The following KLF8 variants were observed in gnomAD, a reference collection of about 807,000 sequenced individuals.
KLF8 encodes Krueppel-like factor 8.
KLF8 carries 10 observed loss-of-function variants against 18.2 expected under a neutral mutation model. The ratio of observed to expected loss-of-function variants is 0.55; its 90% CI spans 0.34 to 0.93. The LOEUF is 0.93. Among genes scored for constraint, KLF8 ranks in the 40% least tolerant of loss-of-function variants. The probability of loss-of-function intolerance (pLI) is 0.02; values close to 1 mark genes in which losing one functional copy is unlikely to be tolerated. For synonymous variants in KLF8, 109 were observed against 97.3 expected (o/e 1.12, Z -0.71); for missense variants, 264 against 277.9 (o/e 0.95, Z 0.36).
At chrX:56,155,696 CATTAT>C in the KLF8 span, among the ~76,000 whole-genome samples, 1 of 111,101 alleles carries the variant, frequency 9.0e-6, no homozygotes, top group Admixed American at 9.6e-5. Flanking sequence ...ACAGGATGTA[CATTAT>C]AGATTTGTTA....
At chrX:55,970,749 G>T in the KLF8 span, among the ~76,000 whole-genome samples, 1 of 111,393 alleles carries the variant, frequency 9.0e-6, no homozygotes, top group African/African-American at 3.3e-5. Context: ...TCATCAGTAG[G>T]ACTTCTATAT....
the KLF8 span, among the ~76,000 whole-genome samples, chrX:56,168,615 A>G: frequency 1.4e-3 from 154 of 110,184 alleles, no homozygotes; most frequent in African/African-American, 4.8e-3. Context: ...CATCATTTAC[A>G]TTAGGTATAT....
At chrX:56,266,530 C>G (rs777863335) in intron 3 of KLF8, 2 of 746,501 alleles carry the variant, frequency 2.7e-6, no homozygotes, top group Non-Finnish European at 3.2e-6. Flanking sequence ...GAAAATTTGT[C>G]CAAGAGAGAA....
intron 5 of KLF8, among the ~76,000 whole-genome samples, chrX:56,273,645 T>C (rs905865945): frequency 1.9e-4 from 21 of 111,917 alleles, no homozygotes; most frequent in African/African-American, 6.8e-4. Flanking sequence ...TTATCCATAT[T>C]GTTGCAAATG....
the KLF8 span, among the ~76,000 whole-genome samples, chrX:56,059,419 C>G: frequency 2.7e-5 from 3 of 111,716 alleles, no homozygotes; most frequent in Non-Finnish European, 3.8e-5. Context: ...AGTCATGAAG[C>G]CTTTGCCCAT....
chrX:56,233,179 G>A lies in KLF8; in HGVS notation c.-156G>A. The A allele has an allele frequency of 1.6e-6, 1 of 610,585 alleles. No individual in the cohort carries two copies. Among genetic ancestry groups the A allele is most frequent in the Non-Finnish European group, 2.7e-6 (1 of 375,747 alleles). 50.3% of individuals were successfully genotyped at this position (610,585 alleles called of 1,213,427 possible). On this transcript the variant is annotated 5_prime_UTR_variant, in exon 1 of 6. Transcript: ENST00000468660. ...CCAGCCCGGAGAAATAGGGGAGTGG[G>A]GGCCCAAGAACGAGAAGACGAGAAC...
chrX:56,077,138 T>G, the KLF8 span, among the ~76,000 whole-genome samples: 2 of 112,240 alleles, frequency 1.8e-5, no homozygotes, highest in East Asian at 5.6e-4. Context: ...AGAAGCTATT[T>G]AATTTAATTA....
At chrX:56,104,422 C>T in the KLF8 span, among the ~76,000 whole-genome samples, 1 of 111,515 alleles carries the variant, frequency 9.0e-6, no homozygotes, top group Admixed American at 9.5e-5. Flanking sequence ...AGAGATTCAG[C>T]TTCTTCCTGG....
chrX:56,001,828 C>G, the KLF8 span, among the ~76,000 whole-genome samples: 1 of 112,037 alleles, frequency 8.9e-6, no homozygotes, highest in Non-Finnish European at 1.9e-5. Flanking sequence ...CTTATTGAAA[C>G]TCTAGTGGTT....
chrX:56,289,357 A>G lies in KLF8; in HGVS notation c.*4863A>G, dbSNP rs1289260816. ...TACTCCTATAATCAGCCATTTCTTC[A>G]AGAAGTCCTGGTTTCTTTTACTGGA... On this transcript the variant is annotated 3_prime_UTR_variant, in exon 6 of 6. Transcript: ENST00000468660. Among the ~76,000 whole-genome samples, 6 of 110,702 alleles carry G rather than the reference A, an allele frequency of 5.4e-5. No individual in the cohort carries two copies. The highest frequency in any genetic ancestry group is 1.6e-4 in the African/African-American group (5 of 30,381).
chrX:56,014,277 A>G, the KLF8 span, among the ~76,000 whole-genome samples: 1 of 112,199 alleles, frequency 8.9e-6, no homozygotes, highest in Non-Finnish European at 1.9e-5. Context: ...AGAAACAAAC[A>G]AATTTATAAG....
the KLF8 span, among the ~76,000 whole-genome samples, chrX:56,071,325 A>C: frequency 8.9e-6 from 1 of 111,910 alleles, no homozygotes; most frequent in Non-Finnish European, 1.9e-5. Context: ...CTAAGTTCAG[A>C]GTAGTTGCTA....
At chrX:56,283,516 C>A (rs757852208) in intron 5 of KLF8, among the ~76,000 whole-genome samples, 1 of 106,913 alleles carries the variant, frequency 9.4e-6, no homozygotes, top group Non-Finnish European at 2.0e-5. Flanking sequence ...GAACTACAGG[C>A]GCCCTCCACG....
At chrX:56,058,743 G>A in the KLF8 span, among the ~76,000 whole-genome samples, 1 of 111,021 alleles carries the variant, frequency 9.0e-6, no homozygotes. Context: ...TCTTTATCCA[G>A]TCTATCATTG....
chrX:56,066,664 G>C, the KLF8 span, among the ~76,000 whole-genome samples: 1 of 111,614 alleles, frequency 9.0e-6, no homozygotes, highest in Non-Finnish European at 1.9e-5. Flanking sequence ...GTTGGCACTA[G>C]CCAGCAGTGG....
At chrX:56,001,390 G>A in the KLF8 span, among the ~76,000 whole-genome samples, 1 of 111,576 alleles carries the variant, frequency 9.0e-6, no homozygotes, top group African/African-American at 3.3e-5. Context: ...GATGGAGGAC[G>A]AGGCCCTCTT....
chrX:55,976,050 G>T, the KLF8 span, among the ~76,000 whole-genome samples: 3 of 111,418 alleles, frequency 2.7e-5, no homozygotes, highest in African/African-American at 9.8e-5. Flanking sequence ...TGGAAGTTGC[G>T]GTGAGCTGAG....
chrX:56,100,950 A>G, the KLF8 span, among the ~76,000 whole-genome samples: 2 of 111,869 alleles, frequency 1.8e-5, no homozygotes, highest in Non-Finnish European at 3.8e-5. Context: ...TATCATTACA[A>G]TCTATTATTA....
At chrX:56,243,898 G>T (rs1223090161) in intron 1 of KLF8, among the ~76,000 whole-genome samples, 1 of 111,612 alleles carries the variant, frequency 9.0e-6, no homozygotes, top group African/African-American at 3.3e-5. Context: ...GGAAGGTGAG[G>T]TTGAGTTTTC....
Sources: gnomAD v4.1 joint callset for allele counts (sites outside exome capture counted in the v4.1 genomes callset) on GRCh38, gnomAD v4.1.1 for gene constraint, MANE v1.5 for transcripts, NCBI Gene and HGNC (gene_info 2026-07-23, HGNC 2026-07-21) for gene names.